The following CDC42BPA variants were observed in gnomAD, a reference collection of about 807,000 sequenced individuals.
The protein encoded by CDC42BPA is CDC42 binding protein kinase alpha, also known as serine/threonine-protein kinase MRCK alpha.
In CDC42BPA, 80 loss-of-function variants were observed where a neutral mutation model predicts 223.5. The ratio of observed to expected loss-of-function variants is 0.36; its 90% confidence interval spans 0.30 to 0.43. CDC42BPA has a LOEUF of 0.43. Ranked by LOEUF, CDC42BPA falls within the 20% of genes least tolerant of loss-of-function variation. The pLI is 1.00. For synonymous variants in CDC42BPA, 694 were observed against 718.6 expected (o/e 0.97, Z 0.55); for missense variants, 1,743 against 2,099.9 (o/e 0.83, Z 3.32).
At chr1:227,071,714 ACCCCC>A (rs56781968) in intron 20 of CDC42BPA, among the ~76,000 whole-genome samples, 4 of 84,800 alleles carry the variant, frequency 4.7e-5, no homozygotes, top group East Asian at 3.4e-4. Flanking sequence ...AGTGAATCCC[ACCCCC>A]CCCCCCCCAA....
chr1:227,006,830 G>A (rs754871354), intron 34 of CDC42BPA, among the ~76,000 whole-genome samples: 4 of 152,012 alleles, frequency 2.6e-5, no homozygotes, highest in Non-Finnish European at 4.4e-5. Context: ...CCAGCTACTC[G>A]GGAGTCTGAG....
At chr1:227,069,953 T>C in intron 20 of CDC42BPA, 100 bp from the exon 21 acceptor site, 1 of 696,588 alleles carries the variant, frequency 1.4e-6, no homozygotes, top group Non-Finnish European at 2.5e-6. Flanking sequence ...GTTCACAAAC[T>C]ACTGTATTTC....
intron 5 of CDC42BPA, among the ~76,000 whole-genome samples, chr1:227,163,091 TGTGTGTTTCCAAAC>T (rs1212359705): frequency 7.5e-6 from 1 of 133,292 alleles, no homozygotes; most frequent in African/African-American, 3.0e-5. Flanking sequence ...TTTCCAAACA[TGTGTGTTTCCAAAC>T]ATATATGTGT....
At chr1:227,083,309 CTTT>C (rs1013717354) in intron 16 of CDC42BPA, among the ~76,000 whole-genome samples, 42 of 152,106 alleles carry the variant, frequency 2.8e-4, no homozygotes, top group African/African-American at 9.9e-4. Flanking sequence ...CAGTCCTTTT[CTTT>C]GTTTCTCTCC....
chr1:227,170,677 G>A (rs560946411), intron 5 of CDC42BPA, among the ~76,000 whole-genome samples: 1 of 152,202 alleles, frequency 6.6e-6, no homozygotes, highest in East Asian at 1.9e-4. Flanking sequence ...TTGAATGACT[G>A]ATAAGGAAAT....
intron 3 of CDC42BPA, among the ~76,000 whole-genome samples, chr1:227,205,555 T>C (rs141830124): frequency 1.2e-3 from 183 of 152,098 alleles, no homozygotes; most frequent in African/African-American, 3.9e-3. Context: ...AAAGGGAACT[T>C]GCATTTGTTC....
rs1214032065 is a variant in CDC42BPA at position 227,171,820 on chromosome 1, AT to A, written c.600-11185del. Among the ~76,000 whole-genome samples the A allele has an allele frequency of 2.0e-5, 3 of 152,268 alleles. No homozygotes were observed. The East Asian group carries it at 5.8e-4, about 29-fold the overall frequency. ...ACACTGAATTCAACTATAGAGGGTTATTTTAATTGCATGTACCTTGGCCCCA... is the reference window on the plus strand; with the variant it reads ...ACACTGAATTCAACTATAGAGGGTTATTTAATTGCATGTACCTTGGCCCCA... On this transcript the variant is annotated intron_variant, in intron 5 of 36. Coordinates refer to ENST00000366766, the MANE Select transcript of CDC42BPA (RefSeq NM_001394014.1).
chr1:227,280,691 C>T (rs2148565399), intron 1 of CDC42BPA, among the ~76,000 whole-genome samples: 1 of 152,234 alleles, frequency 6.6e-6, no homozygotes, highest in Middle Eastern at 3.4e-3. Flanking sequence ...ACTAAAATTG[C>T]CAATTTATAT....
intron 35 of CDC42BPA, chr1:227,004,543 C>T (rs1031492521): frequency 7.7e-5 from 14 of 181,786 alleles, no homozygotes; most frequent in Admixed American, 5.9e-4. Flanking sequence ...CCTGCTACCC[C>T]GCTCTAATTT....
intron 1 of CDC42BPA, among the ~76,000 whole-genome samples, chr1:227,267,860 G>A (rs958708401): frequency 1.3e-5 from 2 of 152,050 alleles, no homozygotes; most frequent in East Asian, 1.9e-4. Flanking sequence ...CCCTCAATAC[G>A]AGGGGGTAAC....
At chr1:227,109,394 C>T (rs968704240) in intron 14 of CDC42BPA, among the ~76,000 whole-genome samples, 2 of 151,938 alleles carry the variant, frequency 1.3e-5, no homozygotes, top group African/African-American at 4.8e-5. Context: ...GAGACAGAGT[C>T]TCACTCTGTC....
chr1:227,091,868 T>G lies in CDC42BPA; in HGVS notation c.2355+18A>C. 7.4e-4 allele frequency: 996 copies of G among 1,338,990 alleles called. No homozygotes were observed. The highest frequency in any genetic ancestry group is 9.8e-4 in the Non-Finnish European group (925 of 942,774). 82.9% of individuals were successfully genotyped at this position (1,338,990 alleles called of 1,614,324 possible). A position where few individuals can be genotyped will look rare whatever the true frequency, so the allele number is the denominator to read the frequency against. On this transcript the variant is annotated intron_variant, in intron 16 of 36. Transcript: ENST00000366766. The stretch of plus-strand genomic sequence containing the variant: ...TCTAGCATGTACTACTCAATTAATA[T>G]GAGATTAAATCACTCACCTTATCAA...
intron 6 of CDC42BPA, 128 bp downstream of exon 6, chr1:227,160,415 G>A: frequency 1.5e-6 from 1 of 689,294 alleles, no homozygotes; most frequent in East Asian, 2.7e-5. Context: ...GGAAGGAGGT[G>A]GCGCATAGAT....
chr1:227,281,408 C>A (rs771919932), intron 1 of CDC42BPA, among the ~76,000 whole-genome samples: 2 of 152,174 alleles, frequency 1.3e-5, no homozygotes, highest in Non-Finnish European at 2.9e-5. Flanking sequence ...GCCCAGTTCT[C>A]CAACCTGTAC....
chr1:227,155,769 G>C (rs529115812), intron 6 of CDC42BPA, among the ~76,000 whole-genome samples: 3 of 152,084 alleles, frequency 2.0e-5, no homozygotes, highest in African/African-American at 4.8e-5. Flanking sequence ...ACTATGACAC[G>C]ACGATGAGTA....
intron 16 of CDC42BPA, among the ~76,000 whole-genome samples, chr1:227,087,446 T>C (rs1682203500): frequency 6.6e-6 from 1 of 152,226 alleles, no homozygotes; most frequent in Non-Finnish European, 1.5e-5. Flanking sequence ...TTATAGCAAG[T>C]ATTAAAATTA....
At chr1:227,125,262 T>C (rs902542239) in intron 11 of CDC42BPA, among the ~76,000 whole-genome samples, 1 of 150,436 alleles carries the variant, frequency 6.6e-6, no homozygotes, top group African/African-American at 2.4e-5. Context: ...CAGGGGGAGC[T>C]AGATTTCCAA....
At chr1:227,199,074 CA>C (rs1474161936) in intron 4 of CDC42BPA, among the ~76,000 whole-genome samples, 1 of 150,728 alleles carries the variant, frequency 6.6e-6, no homozygotes, top group African/African-American at 2.4e-5. Flanking sequence ...AAAGTTGTAT[CA>C]AAAAAAATCA....
At chr1:227,145,147 G>C (rs761926935) in intron 8 of CDC42BPA, among the ~76,000 whole-genome samples, 8 of 152,028 alleles carry the variant, frequency 5.3e-5, no homozygotes, top group Non-Finnish European at 1.0e-4. Flanking sequence ...CCAGTTTTAT[G>C]GTTTTAGGGA....
Sources: gnomAD v4.1 joint callset for allele counts (sites outside exome capture counted in the v4.1 genomes callset) on GRCh38, gnomAD v4.1.1 for gene constraint, MANE v1.5 for transcripts, NCBI Gene and HGNC (gene_info 2026-07-23, HGNC 2026-07-21) for gene names.